The following ADAR variants were observed in gnomAD, a reference collection of about 807,000 sequenced individuals.
ADAR encodes double-stranded RNA-specific adenosine deaminase.
ADAR carries 41 observed loss-of-function variants against 113.2 expected under a neutral mutation model. The ratio of observed to expected loss-of-function variants is 0.36; its 90% CI spans 0.28 to 0.47. The LOEUF is 0.47. Among genes scored for constraint, ADAR ranks in the 20% least tolerant of loss-of-function variants. The probability of loss-of-function intolerance (pLI) is 1.00; values close to 1 mark genes in which losing one functional copy is unlikely to be tolerated. For missense variants in ADAR, 1,242 were observed against 1,540.9 expected (o/e 0.81, Z 3.25); for synonymous variants, 605 against 572.6 (o/e 1.06, Z -0.81).
chr1:154,606,240 C>T (rs1026311770), intron 1 of ADAR, among the ~76,000 whole-genome samples: 9 of 152,190 alleles, frequency 5.9e-5, no homozygotes, highest in African/African-American at 1.9e-4. Flanking sequence ...TGGGGTTTCA[C>T]CATGCTGGCC....
intron 6 of ADAR, among the ~76,000 whole-genome samples, chr1:154,591,554 G>C: frequency 6.6e-6 from 1 of 152,230 alleles, no homozygotes; most frequent in East Asian, 1.9e-4. Flanking sequence ...GGCTTCTACC[G>C]CTCCGGCTGG....
At chr1:154,598,718 A>T (rs904987224) in intron 2 of ADAR, 133 bp from the exon 3 acceptor site, 1 of 880,884 alleles carries the variant, frequency 1.1e-6, no homozygotes, top group Non-Finnish European at 1.9e-6. Context: ...GGGTAGGCCA[A>T]GGAACTCCTT....
Position 154,598,554 on chromosome 1 carries a change from C to A in ADAR, c.1633G>T (p.Glu545Ter). The stretch of plus-strand genomic sequence containing the variant: ...CTTCCAGCTTCAGCTGGGGGAAACT[C>A]TCGGCCATTGATGACAACCTGGAAT... ...FKFQVVINGR[E>*]FPPAEAGSKK... The change falls in exon 3 of 15, where the codon GAG becomes TAG. Residue 545 changes from glutamate (E) to a stop codon, truncating the protein, a stop_gained. Transcript: ENST00000368474. LOFTEE classifies it high-confidence loss of function. 1.2e-6 allele frequency: 2 copies of A among 1,614,224 alleles called. No individual in the cohort carries two copies. The highest frequency in any genetic ancestry group is 1.7e-6 in the Non-Finnish European group (2 of 1,180,050).
At chr1:154,597,315 G>T in intron 4 of ADAR, 48 bp from the exon 5 acceptor site, 1 of 1,610,948 alleles carries the variant, frequency 6.2e-7, no homozygotes, top group Non-Finnish European at 8.5e-7. Flanking sequence ...TTTTGACTGA[G>T]GAGCCTGACC....
rs1352563744 is a variant in ADAR at position 154,614,774 on chromosome 1, G to A, written c.-870-12148C>T. Among the ~76,000 whole-genome samples the A allele has an allele frequency of 2.0e-5, 3 of 152,208 alleles. No homozygotes were observed. The East Asian group carries it at 5.8e-4, about 29-fold the overall frequency. Reference sequence around the variant, plus strand: ...TATGCTCTGCTGTCTCCCTGCTGCTGTAGAGCAGAAGATTGAGGAGGAAAC... The same window carrying A: ...TATGCTCTGCTGTCTCCCTGCTGCTATAGAGCAGAAGATTGAGGAGGAAAC... On this transcript the variant is annotated intron_variant, in intron 1 of 14. Transcript: ENST00000368471.
At chr1:154,615,585 A>AT (rs948324509) in intron 1 of ADAR, among the ~76,000 whole-genome samples, 5 of 151,414 alleles carry the variant, frequency 3.3e-5, no homozygotes, top group African/African-American at 1.2e-4. Flanking sequence ...AATTAAAAAA[A>AT]TTTTTTTTCG....
Position 154,608,031 on chromosome 1 carries a change from CCGACCCGCCGGCGGCA to C in ADAR, c.-41_-26del. ...TTGCGCCCGCGAGGCATTGCCCGGC[CCGACCCGCCGGCGGCA>C]CGACCCTGGCCCGACCGCTGGGCCG... On this transcript the variant is annotated 5_prime_UTR_variant, in exon 1 of 15. Transcript: ENST00000368474. 1.3e-6 allele frequency: 2 copies of C among 1,569,496 alleles called. No homozygotes were observed. The highest frequency in any genetic ancestry group is 1.7e-6 in the Non-Finnish European group (2 of 1,156,828).
rs145743236 is a variant in ADAR at position 154,583,981 on chromosome 1, C to T, written c.*825G>A. ...AGGCAGCTGGAAGCTTGGCAATATT[C>T]CAAGGCATGCCCGTGCTCCCTGGGA... On this transcript the variant is annotated 3_prime_UTR_variant, in exon 15 of 15. Transcript: ENST00000368474. 2.6e-5 allele frequency: 4 copies of T among 152,350 alleles called. No homozygotes were observed. The East Asian group carries it at 7.7e-4, about 29-fold the overall frequency. The allele number at this position is 152,350 out of a possible 1,614,324, so 9.4% of individuals were successfully genotyped here.
chr1:154,610,457 G>A (rs1316996351), upstream of ADAR, among the ~76,000 whole-genome samples: 1 of 152,122 alleles, frequency 6.6e-6, no homozygotes, highest in African/African-American at 2.4e-5. Context: ...TATACTATAT[G>A]ATCCCACTTA....
intron 1 of ADAR, among the ~76,000 whole-genome samples, 169 bp from the exon 2 acceptor site, chr1:154,602,795 C>T (rs2101646996): frequency 6.6e-6 from 1 of 152,278 alleles, no homozygotes; most frequent in South Asian, 2.1e-4. Context: ...TAAATCCTGC[C>T]TAGGGGCCTG....
At position 154,589,931 on chromosome 1, in the gene ADAR, G is replaced by A; in HGVS notation, c.2497-3C>T. On this transcript the variant is annotated splice_region_variant and splice_polypyrimidine_tract_variant and intron_variant, in intron 7 of 14. Coordinates refer to ENST00000368474, the MANE Select transcript of ADAR (RefSeq NM_001111.5). ...AAGGTGCTGCCAGTGAGAGGGAGCT[G>A]TGGGGAAAAGAGGCTGTGTCAGCAC... is the stretch of plus-strand genomic sequence containing the variant. 2 of 1,613,936 alleles carry A rather than the reference G, an allele frequency of 1.2e-6. No individual in the cohort carries two copies. The highest frequency in any genetic ancestry group is 1.7e-5 in the Admixed American group (1 of 59,992).
chr1:154,584,657 A>AC lies in ADAR; in HGVS notation c.*148dup, dbSNP rs1571043445. 6 of 757,328 alleles carry AC rather than the reference A, an allele frequency of 7.9e-6. No individual in the cohort carries two copies. In the East Asian group the frequency reaches 1.2e-4, roughly 16 times the overall value. 46.9% of individuals were successfully genotyped at this position (757,328 alleles called of 1,614,324 possible). ...CCCAAAGAAAGCAGGATAAATGGGA[A>AC]CCCAAAGTTTTCAGTATCACCAATT... On this transcript the variant is annotated 3_prime_UTR_variant, in exon 15 of 15. Coordinates refer to ENST00000368474, the MANE Select transcript of ADAR (RefSeq NM_001111.5).
chr1:154,598,359 C>A, intron 3 of ADAR, 43 bp downstream of exon 3: 3 of 1,603,368 alleles, frequency 1.9e-6, no homozygotes, highest in Non-Finnish European at 2.6e-6. Flanking sequence ...AATCCAGACA[C>A]TGACAGGGAA....
At chr1:154,587,611 C>T (rs142257202) in intron 11 of ADAR, among the ~76,000 whole-genome samples, 9 of 152,126 alleles carry the variant, frequency 5.9e-5, no homozygotes, top group African/African-American at 2.2e-4. Context: ...GGCCTGAACG[C>T]AATGGAGTGG....
chr1:154,626,212 TTG>T (rs147731179), intron 1 of ADAR, among the ~76,000 whole-genome samples: 44,981 of 150,844 alleles, frequency 0.3, 6,775 homozygotes, highest in Non-Finnish European at 0.31. Context: ...CCACCTGGGT[TTG>T]AGAGATTGTC....
At chr1:154,594,883 T>G (rs762731498) in intron 6 of ADAR, among the ~76,000 whole-genome samples, 56 of 152,222 alleles carry the variant, frequency 3.7e-4, no homozygotes, top group Non-Finnish European at 6.8e-4. Context: ...TATACTTGTT[T>G]AAAAAGACAA....
At chr1:154,600,925 G>T in intron 2 of ADAR, 116 bp downstream of exon 2, 1 of 1,410,132 alleles carries the variant, frequency 7.1e-7, no homozygotes. Flanking sequence ...AGGCAGAAGG[G>T]AAGGAGGAAA....
chr1:154,616,152 A>G (rs1698629375), intron 1 of ADAR, among the ~76,000 whole-genome samples: 1 of 152,190 alleles, frequency 6.6e-6, no homozygotes, highest in African/African-American at 2.4e-5. Flanking sequence ...CATTCAGGGG[A>G]AGGTGTTAGG....
chr1:154,602,775 G>T, intron 1 of ADAR, 149 bp from the exon 2 acceptor site: 1 of 971,826 alleles, frequency 1.0e-6, no homozygotes. Flanking sequence ...AGGGTGACTT[G>T]CCTACCTCCT....
Sources: allele counts gnomAD v4.1 joint callset (sites outside exome capture counted in the v4.1 genomes callset), GRCh38; gene constraint gnomAD v4.1.1; transcripts MANE v1.5; gene names NCBI Gene and HGNC (gene_info 2026-07-23, HGNC 2026-07-21).